ZNF827: variants seen among roughly 807,000 people sequenced by gnomAD.
ZNF827 encodes zinc finger protein 827.
In ZNF827, 13 loss-of-function variants were observed where a neutral mutation model predicts 102.4. The observed-to-expected ratio is 0.13, with a 90% CI of 0.08 to 0.20. The LOEUF is 0.20. Among genes scored for constraint, ZNF827 ranks in the 10% least tolerant of loss-of-function variants. The pLI is 1.00. For missense variants in ZNF827, 1,103 were observed against 1,344.4 expected (o/e 0.82, Z 2.81); for synonymous variants, 523 against 536.2 (o/e 0.98, Z 0.34).
At chr4:145,792,880 C>A (rs1739906837) in intron 8 of ZNF827, among the ~76,000 whole-genome samples, 1 of 151,852 alleles carries the variant, frequency 6.6e-6, no homozygotes, top group Non-Finnish European at 1.5e-5. Flanking sequence ...AGAGAAAGAT[C>A]AAATAATAAA....
rs775069738 is a variant in ZNF827 at position 145,902,497 on chromosome 4, G to A, written c.762C>T (p.Ala254=). The stretch of plus-strand genomic sequence containing the variant: ...TTTCACTGACCTTCTTGGACAAAGC[G>A]GCCAAGGTAGAACTGGCAGACTGGG... ...FSSQSASSTL[A]ALSKKVSERS... is the part of the protein sequence containing the mutation. Residue 254 remains alanine, a synonymous_variant, in exon 2 of 15, where the codon GCC becomes GCT. Transcript: ENST00000508784. This position sits in a 1 kb window ranked among gnomAD's most constrained non-coding sequence, Gnocchi z 4.3. 60 of 1,614,002 alleles carry A rather than the reference G, an allele frequency of 3.7e-5. No individual in the cohort carries two copies. Among genetic ancestry groups the A allele is most frequent in the East Asian group, 2.2e-4 (10 of 44,892 alleles).
Position 145,910,842 on chromosome 4 carries a change from A to G in ZNF827, c.44-7627T>C, listed in dbSNP as rs375352924. Among the ~76,000 whole-genome samples the G allele has an allele frequency of 1.3e-4, 20 of 152,300 alleles. No individual in the cohort carries two copies. In the East Asian group the frequency reaches 1.7e-3, roughly 13 times the overall value. ...TTTGCAATTGCTCTTCCTCTGCCTG[A>G]AACAGCCACATGCTTAATTCCCCTA... On this transcript the variant is annotated intron_variant, in intron 1 of 14. Transcript: ENST00000508784.
At chr4:145,793,280 A>AAT (rs1236009480) in intron 8 of ZNF827, among the ~76,000 whole-genome samples, 4 of 9,170 alleles carry the variant, frequency 4.4e-4, no homozygotes, top group African/African-American at 1.2e-3. Flanking sequence ...ATATATATAT[A>AAT]ATATATATAT....
At chr4:145,789,810 G>T (rs759045741) in intron 8 of ZNF827, among the ~76,000 whole-genome samples, 3 of 152,120 alleles carry the variant, frequency 2.0e-5, no homozygotes, top group Non-Finnish European at 4.4e-5. Context: ...TAAAGAAGAA[G>T]CATCCATGAT....
intron 11 of ZNF827, among the ~76,000 whole-genome samples, chr4:145,771,375 G>A (rs141039017): frequency 1.8e-3 from 271 of 152,276 alleles, no homozygotes; most frequent in African/African-American, 6.3e-3. Context: ...CTTTTCTAGG[G>A]CTGATTTGTT....
chr4:145,923,387 C>A (rs1292913328), intron 1 of ZNF827, among the ~76,000 whole-genome samples: 1 of 151,596 alleles, frequency 6.6e-6, no homozygotes, highest in Non-Finnish European at 1.5e-5. Context: ...GGCGGATCAC[C>A]TGAGGCCAGG....
intron 5 of ZNF827, among the ~76,000 whole-genome samples, chr4:145,857,249 A>G (rs1334541858): frequency 6.6e-6 from 1 of 152,228 alleles, no homozygotes; most frequent in African/African-American, 2.4e-5. Context: ...CCTGAGAAGC[A>G]CCAGGTATTC....
At chr4:145,855,705 A>G (rs2126685795) in intron 5 of ZNF827, among the ~76,000 whole-genome samples, 1 of 152,342 alleles carries the variant, frequency 6.6e-6, no homozygotes, top group African/African-American at 2.4e-5. Context: ...ATGGAGCAGA[A>G]AAGGAAATGT....
chr4:145,762,973 GC>G lies in ZNF827; in HGVS notation c.*17+116del. On this transcript the variant is annotated intron_variant, in intron 14 of 14. Coordinates refer to ENST00000508784, the MANE Select transcript of ZNF827 (RefSeq NM_001306215.2). The surrounding 1 kb of genome is among the most constrained non-coding windows in gnomAD (Gnocchi z 4.9). Reference sequence around the variant, plus strand: ...GTGCACCGTGCACGGCCTCCTCAGCGCCAAGCTCGCCGTTAGCCTTTGAACC... The same window carrying G: ...GTGCACCGTGCACGGCCTCCTCAGCGCAAGCTCGCCGTTAGCCTTTGAACC... 9.8e-7 allele frequency: 1 copy of G among 1,018,698 alleles called. No homozygotes were observed. The highest frequency in any genetic ancestry group is 1.4e-6 in the Non-Finnish European group (1 of 702,578). The allele number at this position is 1,018,698 out of a possible 1,614,324, so 63.1% of individuals were successfully genotyped here. A position where few individuals can be genotyped will look rare whatever the true frequency, so the allele number is the denominator to read the frequency against.
At chr4:145,790,181 T>C (rs1437065369) in intron 8 of ZNF827, among the ~76,000 whole-genome samples, 3 of 152,226 alleles carry the variant, frequency 2.0e-5, no homozygotes, top group African/African-American at 7.2e-5. Flanking sequence ...AGTTATCTTC[T>C]ATAATTTACT....
Position 145,823,532 on chromosome 4 carries a change from TGGGGGA to T in ZNF827, c.2280-13_2280-8del. On this transcript the variant is annotated splice_region_variant and splice_polypyrimidine_tract_variant and intron_variant, in intron 7 of 14. Coordinates refer to ENST00000508784, the MANE Select transcript of ZNF827 (RefSeq NM_001306215.2). ...GTCTTCTGAAAAGAAAGGGCTGGGG[TGGGGGA>T]GGGGGAGTGAAGTTTAGTAAATTAA... 56 of 1,383,314 alleles carry T rather than the reference TGGGGGA, an allele frequency of 4.0e-5. No homozygotes were observed. Among genetic ancestry groups the T allele is most frequent in the Middle Eastern group, 1.8e-4 (1 of 5,488 alleles). The allele number at this position is 1,383,314 out of a possible 1,614,324, so 85.7% of individuals were successfully genotyped here.
chr4:145,815,264 T>C (rs1300745713), intron 8 of ZNF827, among the ~76,000 whole-genome samples: 1 of 152,226 alleles, frequency 6.6e-6, no homozygotes, highest in Non-Finnish European at 1.5e-5. Context: ...GTGAACCTCA[T>C]ATCATGCGAA....
chr4:145,924,254 G>A (rs1298823437), intron 1 of ZNF827, among the ~76,000 whole-genome samples: 4 of 152,172 alleles, frequency 2.6e-5, no homozygotes, highest in African/African-American at 4.8e-5. Flanking sequence ...AGAGAATTTA[G>A]GGTAACTCTT....
At chr4:145,937,489 C>T (rs1231399150) in intron 1 of ZNF827, among the ~76,000 whole-genome samples, 4 of 150,270 alleles carry the variant, frequency 2.7e-5, no homozygotes, top group Admixed American at 2.0e-4. Context: ...CGCCCTGCCT[C>T]CTGCCTTCGC....
At chr4:145,924,827 T>C (rs1341464253) in intron 1 of ZNF827, among the ~76,000 whole-genome samples, 1 of 152,244 alleles carries the variant, frequency 6.6e-6, no homozygotes, top group African/African-American at 2.4e-5. Context: ...ACATTACTAA[T>C]ATGGCCCCTC....
At position 145,878,593 on chromosome 4, in the gene ZNF827, AGGACAGGAC is replaced by A. The variant is rs1749366209; in HGVS notation, c.1747+7076_1747+7084del. Among the ~76,000 whole-genome samples the A allele has an allele frequency of 2.1e-4, 28 of 136,524 alleles. 1 individual carries two copies. Among genetic ancestry groups the A allele is most frequent in the African/African-American group, 6.5e-4 (23 of 35,264 alleles). The allele number at this position is 136,524 out of a possible 152,430, so 89.6% of individuals were successfully genotyped here. On this transcript the variant is annotated intron_variant, in intron 4 of 14. Coordinates refer to ENST00000508784, the MANE Select transcript of ZNF827 (RefSeq NM_001306215.2). ...AGGACAGGACAGGACAGGACAGGAC[AGGACAGGAC>A]AGGAAAGGAAAGGAAAGGAAAGGAA... is the stretch of plus-strand genomic sequence containing the variant.
At chr4:145,913,343 T>C (rs1256777539) in intron 1 of ZNF827, among the ~76,000 whole-genome samples, 1 of 148,512 alleles carries the variant, frequency 6.7e-6, no homozygotes, top group Admixed American at 6.8e-5. Flanking sequence ...GAAGGATAAC[T>C]TGAGTCCAGG....
At chr4:145,855,914 T>C (rs1747052345) in intron 5 of ZNF827, among the ~76,000 whole-genome samples, 1 of 152,162 alleles carries the variant, frequency 6.6e-6, no homozygotes, top group African/African-American at 2.4e-5. Flanking sequence ...CTGAATGTTA[T>C]TCTCTCTTTT....
intron 10 of ZNF827, among the ~76,000 whole-genome samples, chr4:145,775,540 TGGAGC>T (rs1736928777): frequency 1.3e-5 from 2 of 152,114 alleles, no homozygotes; most frequent in South Asian, 4.1e-4. Flanking sequence ...CGTCTCTGTC[TGGAGC>T]TCCACCCCAG....
Sources: gnomAD v4.1 joint callset for allele counts (sites outside exome capture counted in the v4.1 genomes callset) on GRCh38, gnomAD v4.1.1 for gene constraint, Gnocchi (gnomAD v3.1) non-coding constraint, MANE v1.5 for transcripts, NCBI Gene and HGNC (gene_info 2026-07-23, HGNC 2026-07-21) for gene names.